Variants in DSE observed in about 807,000 individuals in gnomAD.
The protein encoded by DSE is dermatan-sulfate epimerase.
In DSE, 36 loss-of-function variants were observed where a neutral mutation model predicts 84.4. That is an observed-to-expected ratio of 0.43 (90% CI 0.33 to 0.56). DSE has a LOEUF of 0.56. Ranked by LOEUF, DSE falls within the 20% of genes least tolerant of loss-of-function variation. DSE has a pLI of 0.06. For synonymous variants in DSE, 410 were observed against 430.1 expected (o/e 0.95, Z 0.58); for missense variants, 862 against 1,169.6 (o/e 0.74, Z 3.84).
At chr6:116,258,822 C>T (rs1582901275) in exon 2 of DSE, 2 of 1,608,404 alleles carry the variant, frequency 1.2e-6, no homozygotes, top group Non-Finnish European at 1.7e-6. Context: ...GGTGTATGAC[C>T]TCGAAGGCAT....
At chr6:116,363,261 G>A (rs539160281) in intron 2 of DSE, among the ~76,000 whole-genome samples, 1 of 151,526 alleles carries the variant, frequency 6.6e-6, no homozygotes, top group East Asian at 1.9e-4. Context: ...ACACATATAT[G>A]CATATATGTG....
intron 2 of DSE, chr6:116,279,207 A>G (rs750322697): frequency 1.2e-6 from 2 of 1,609,698 alleles, no homozygotes; most frequent in South Asian, 2.2e-5. Context: ...CCTCCAATCT[A>G]TCCTCCTCCG....
chr6:116,275,798 CAA>C (rs386408358), intron 2 of DSE, among the ~76,000 whole-genome samples: 17 of 105,462 alleles, frequency 1.6e-4, no homozygotes, highest in Non-Finnish European at 1.5e-4. Context: ...GACTCTATCT[CAA>C]AAAAAAAAAA....
chr6:116,312,953 A>G (rs1466336661), intron 2 of DSE, among the ~76,000 whole-genome samples: 6 of 152,144 alleles, frequency 3.9e-5, no homozygotes, highest in Non-Finnish European at 7.4e-5. Context: ...ATACAAATAT[A>G]TATGTATATA....
chr6:116,394,617 T>C (rs1386902349), intron 1 of DSE, among the ~76,000 whole-genome samples: 1 of 152,116 alleles, frequency 6.6e-6, no homozygotes, highest in Non-Finnish European at 1.5e-5. Flanking sequence ...TTTATTATTT[T>C]ATTTTATTTT....
intron 2 of DSE, among the ~76,000 whole-genome samples, chr6:116,345,692 G>C (rs1165908474): frequency 1.1e-4 from 16 of 152,062 alleles, no homozygotes; most frequent in South Asian, 6.2e-4. Context: ...GACACCCTAA[G>C]ATCACAATTA....
At chr6:116,335,904 T>A (rs1777222787) in intron 2 of DSE, among the ~76,000 whole-genome samples, 1 of 152,222 alleles carries the variant, frequency 6.6e-6, no homozygotes, top group Non-Finnish European at 1.5e-5. Flanking sequence ...TCTATCAGCT[T>A]CCTTAAAGTT....
chr6:116,343,199 G>A lies in DSE; in HGVS notation c.-53-55999G>A, dbSNP rs534274294. Among the ~76,000 whole-genome samples the A allele has an allele frequency of 2.4e-4, 37 of 152,336 alleles. No individual in the cohort carries two copies. The South Asian group carries it at 3.1e-3, about 13-fold the overall frequency. On this transcript the variant is annotated intron_variant, in intron 2 of 3. Transcript: ENST00000430252. ...AGGTCAAGGAGGCCTACCTGCCTCT[G>A]TAGACTCCACCTCTGTGGGCAGGGC... is the stretch of plus-strand genomic sequence containing the variant.
intron 2 of DSE, among the ~76,000 whole-genome samples, chr6:116,407,475 C>T (rs3798412): frequency 0.69 from 104,897 of 152,014 alleles, 36,568 homozygotes; most frequent in Admixed American, 0.75. Flanking sequence ...CCCTATTACA[C>T]TGCAAGGGCT....
intron 2 of DSE, among the ~76,000 whole-genome samples, chr6:116,333,298 G>C (rs1447830428): frequency 6.6e-6 from 1 of 152,162 alleles, no homozygotes; most frequent in Non-Finnish European, 1.5e-5. Flanking sequence ...GGAAGTCCAA[G>C]GTTGAGGGAC....
intron 1 of DSE, among the ~76,000 whole-genome samples, chr6:116,373,615 CTTTCAATGAGATT>C (rs1779746569): frequency 6.6e-6 from 1 of 152,154 alleles, no homozygotes; most frequent in African/African-American, 2.4e-5. Flanking sequence ...AATACAGTTC[CTTTCAATGAGATT>C]TTATGGGCTG....
At chr6:116,424,021 T>C (rs1048509359) in intron 2 of DSE, among the ~76,000 whole-genome samples, 1 of 152,220 alleles carries the variant, frequency 6.6e-6, no homozygotes, top group Admixed American at 6.5e-5. Flanking sequence ...TGGTTATCTA[T>C]AAAAATAAGC....
chr6:116,407,636 CAT>C (rs1357694564), intron 2 of DSE, among the ~76,000 whole-genome samples: 1 of 152,160 alleles, frequency 6.6e-6, no homozygotes, highest in African/African-American at 2.4e-5. Flanking sequence ...ATTATTTACC[CAT>C]AGTCATTTTT....
At chr6:116,254,250 A>C in exon 1 of DSE, 3 of 692,786 alleles carry the variant, frequency 4.3e-6, no homozygotes, top group Non-Finnish European at 7.9e-6. Context: ...TCAGTCTGGA[A>C]GGGGAGTTTT....
intron 2 of DSE, among the ~76,000 whole-genome samples, chr6:116,418,614 C>T (rs887657842): frequency 2.6e-5 from 4 of 152,154 alleles, no homozygotes; most frequent in African/African-American, 9.7e-5. Context: ...CTTGCTCTGT[C>T]TTGCTGTCAT....
At chr6:116,408,997 T>C (rs1412936274) in intron 2 of DSE, among the ~76,000 whole-genome samples, 1 of 152,238 alleles carries the variant, frequency 6.6e-6, no homozygotes, top group Non-Finnish European at 1.5e-5. Flanking sequence ...CTGCCAGTGT[T>C]CCAATTACAT....
In DSE at chr6:116,437,519, A is replaced by T; in HGVS notation, c.*174A>T. Reference sequence around the variant, plus strand: ...CGTGGAGAAATTGGAGCAGGAAAAGAAATTATCAAAGCAATAGAAATAGCT... The same window carrying T: ...CGTGGAGAAATTGGAGCAGGAAAAGTAATTATCAAAGCAATAGAAATAGCT... On this transcript the variant is annotated 3_prime_UTR_variant, in exon 6 of 6. Coordinates refer to ENST00000644252, the MANE Select transcript of DSE (RefSeq NM_013352.4). 3 of 634,772 alleles carry T rather than the reference A, an allele frequency of 4.7e-6. No homozygotes were observed. Among genetic ancestry groups the T allele is most frequent in the Non-Finnish European group, 7.7e-6 (3 of 389,468 alleles). 39.3% of individuals were successfully genotyped at this position (634,772 alleles called of 1,614,324 possible).
intron 2 of DSE, among the ~76,000 whole-genome samples, chr6:116,341,542 G>T (rs9481629): frequency 0.046 from 6,954 of 152,152 alleles, 518 homozygotes; most frequent in African/African-American, 0.15. Flanking sequence ...TTGCATTTTG[G>T]TGTTTTAGTC....
At position 116,437,231 on chromosome 6, in the gene DSE, T is replaced by G. The variant is rs1562316449; in HGVS notation, c.2763T>G (p.Thr921=). ...TTGTCATGTTGGCAATGCAACTGAC[T>G]TATTTCCAGAGGGCCCAGAGCCTAC... ...IFFVMLAMQL[T]YFQRAQSLHG... The change falls in exon 6 of 6, where the codon ACT becomes ACG. Residue 921 remains threonine, a synonymous_variant. Transcript: ENST00000644252. 1 of 1,614,118 alleles carries G rather than the reference T, an allele frequency of 6.2e-7. No individual in the cohort carries two copies. Among genetic ancestry groups the G allele is most frequent in the Admixed American group, 1.7e-5 (1 of 59,998 alleles).
Sources: allele counts gnomAD v4.1 joint callset (sites outside exome capture counted in the v4.1 genomes callset), GRCh38; gene constraint gnomAD v4.1.1; transcripts MANE v1.5; gene names NCBI Gene and HGNC (gene_info 2026-07-23, HGNC 2026-07-21).